PCBP3: variants seen among roughly 807,000 people sequenced by gnomAD.
PCBP3 encodes poly(rC) binding protein 3.
PCBP3 carries 25 observed loss-of-function variants against 52.7 expected under a neutral mutation model. That is an observed-to-expected ratio of 0.47 (90% CI 0.35 to 0.66). The LOEUF (loss-of-function observed/expected upper bound fraction) is 0.66. Among genes scored for constraint, PCBP3 ranks in the 30% least tolerant of loss-of-function variants. PCBP3 has a pLI of 0.01. For synonymous variants in PCBP3, 162 were observed against 183.0 expected, an observed-to-expected ratio of 0.89 and a Z score of 0.93; for missense variants, 391 against 490.3, an observed-to-expected ratio of 0.80 and a Z score of 1.91.
At chr21:45,731,040 T>C (rs535950498) in intron 2 of PCBP3, among the ~76,000 whole-genome samples, 16 of 152,296 alleles carry the variant, frequency 1.1e-4, no homozygotes, top group African/African-American at 3.6e-4. Flanking sequence ...ATTGATATGG[T>C]TGGGTATAAA....
chr21:45,744,097 A>T (rs906192169), intron 3 of PCBP3: 1 of 150,768 alleles, frequency 6.6e-6, no homozygotes, highest in Non-Finnish European at 1.5e-5. Context: ...TTAGGTATAT[A>T]GGTAAAAATG....
chr21:45,772,509 G>C (rs1156910389), intron 4 of PCBP3, among the ~76,000 whole-genome samples: 1 of 152,102 alleles, frequency 6.6e-6, no homozygotes, highest in Admixed American at 6.5e-5. Context: ...ATTGTGAATA[G>C]TACTGCAATA....
intron 5 of PCBP3, among the ~76,000 whole-genome samples, chr21:45,888,401 G>A (rs1038583958): frequency 6.6e-6 from 1 of 152,240 alleles, no homozygotes; most frequent in Admixed American, 6.5e-5. Flanking sequence ...ATTTATGGGT[G>A]CCCGCGGGTG....
In PCBP3 at chr21:45,850,114, T is replaced by G; in HGVS notation, c.10+19T>G. 6.5e-7 allele frequency: 1 copy of G among 1,547,612 alleles called. No individual in the cohort carries two copies. The highest frequency in any genetic ancestry group is 1.2e-5 in the South Asian group (1 of 83,986). The stretch of plus-strand genomic sequence containing the variant: ...GGGGAAGGTGAGTTACTGTCTTTTG[T>G]TTCCATGTTTGTTTGTTTACCAAGA... On this transcript the variant is annotated intron_variant, in intron 5 of 17. Transcript: ENST00000681687.
intron 13 of PCBP3, among the ~76,000 whole-genome samples, chr21:45,922,205 G>T (rs1569500116): frequency 6.6e-6 from 1 of 152,144 alleles, no homozygotes; most frequent in Admixed American, 6.5e-5. Context: ...ATTACAGCGG[G>T]GAAGTTACAC....
At chr21:45,784,607 C>A (rs926196608) in intron 4 of PCBP3, among the ~76,000 whole-genome samples, 1 of 152,190 alleles carries the variant, frequency 6.6e-6, no homozygotes, top group African/African-American at 2.4e-5. Flanking sequence ...ATTGCAGGCG[C>A]GCGCCGCCAC....
chr21:45,763,179 C>T (rs1008353178), intron 4 of PCBP3: 2 of 152,290 alleles, frequency 1.3e-5, no homozygotes. Context: ...GCACAAGCAG[C>T]AGTGGCGCTG....
intron 5 of PCBP3, among the ~76,000 whole-genome samples, chr21:45,888,656 A>G (rs1471002706): frequency 1.3e-5 from 2 of 152,290 alleles, no homozygotes; most frequent in Non-Finnish European, 2.9e-5. Context: ...CAGTGCTTTT[A>G]GACCCGCAAT....
At position 45,896,198 on chromosome 21, in the gene PCBP3, C is replaced by T. The variant is rs1356507840; in HGVS notation, c.11-10C>T. 1 of 1,551,030 alleles carries T rather than the reference C, an allele frequency of 6.4e-7. No individual in the cohort carries two copies. The highest frequency in any genetic ancestry group is 2.4e-5 in the East Asian group (1 of 40,920). ...TCTTCTCTAGCAGCAGCTGTGCCTT[C>T]TCTCTCCAGGTGACGCCTTCTGGGC... On this transcript the variant is annotated splice_polypyrimidine_tract_variant and intron_variant, in intron 5 of 17. Coordinates refer to ENST00000681687, the MANE Select transcript of PCBP3 (RefSeq NM_001384156.1).
chr21:45,659,337 C>CTTTTTTT (rs36113182), intron 1 of PCBP3, among the ~76,000 whole-genome samples: 24 of 78,734 alleles, frequency 3.0e-4, no homozygotes, highest in Non-Finnish European at 4.2e-4. Context: ...TTTTACTTTC[C>CTTTTTTT]TTTTTTTTTT....
At chr21:45,903,985 G>A (rs1445405507) in intron 9 of PCBP3, among the ~76,000 whole-genome samples, 1 of 152,172 alleles carries the variant, frequency 6.6e-6, no homozygotes, top group African/African-American at 2.4e-5. Flanking sequence ...GGATTTGTTA[G>A]CAATACTTGT....
chr21:45,789,862 G>A (rs552160009), intron 4 of PCBP3, among the ~76,000 whole-genome samples: 7 of 152,304 alleles, frequency 4.6e-5, no homozygotes, highest in Admixed American at 1.3e-4. Flanking sequence ...TCTCTCGGCC[G>A]GGCGCAGTGG....
At chr21:45,644,327 G>C (rs1233609974) in intron 1 of PCBP3, among the ~76,000 whole-genome samples, 1 of 151,808 alleles carries the variant, frequency 6.6e-6, no homozygotes, top group Admixed American at 6.6e-5. Context: ...CTGGACGGCC[G>C]CCGGGAGAGC....
At chr21:45,786,301 T>C (rs1603426158) in intron 4 of PCBP3, among the ~76,000 whole-genome samples, 1 of 138,018 alleles carries the variant, frequency 7.2e-6, no homozygotes, top group Admixed American at 7.1e-5. Flanking sequence ...TTTTTTTTTT[T>C]CTTTTTGAGA....
intron 5 of PCBP3, chr21:45,872,366 C>T (rs768629034): frequency 6.6e-6 from 1 of 152,220 alleles, no homozygotes; most frequent in Admixed American, 6.5e-5. Flanking sequence ...CCTCAGTTAC[C>T]TCCTGTGACC....
chr21:45,677,957 G>C (rs934962209), intron 2 of PCBP3, among the ~76,000 whole-genome samples: 4 of 152,222 alleles, frequency 2.6e-5, no homozygotes, highest in African/African-American at 9.6e-5. Context: ...GCAAGGAGAT[G>C]AATGCTGTTT....
intron 1 of PCBP3, among the ~76,000 whole-genome samples, chr21:45,651,862 A>G (rs1296563592): frequency 1.3e-5 from 2 of 152,178 alleles, no homozygotes; most frequent in Non-Finnish European, 2.9e-5. Flanking sequence ...TGTTTCTGTA[A>G]CTCACCAGGT....
chr21:45,647,909 A>G (rs2079425190), intron 1 of PCBP3, among the ~76,000 whole-genome samples: 1 of 152,354 alleles, frequency 6.6e-6, no homozygotes, highest in South Asian at 2.1e-4. Flanking sequence ...ATCCTGGATT[A>G]TCTGGGTGGG....
intron 4 of PCBP3, among the ~76,000 whole-genome samples, chr21:45,823,502 C>G (rs2093210348): frequency 6.6e-6 from 1 of 152,258 alleles, no homozygotes; most frequent in African/African-American, 2.4e-5. Flanking sequence ...TCATGTCCCG[C>G]AGAACCACGC....
Sources: gnomAD v4.1 joint callset for allele counts (sites outside exome capture counted in the v4.1 genomes callset) on GRCh38, gnomAD v4.1.1 for gene constraint, MANE v1.5 for transcripts, NCBI Gene and HGNC (gene_info 2026-07-23, HGNC 2026-07-21) for gene names.